The following CATSPERD variants were observed in gnomAD, a reference collection of about 807,000 sequenced individuals.
CATSPERD encodes cation channel sperm-associated auxiliary subunit delta.
CATSPERD carries 86 observed loss-of-function variants against 98.1 expected under a neutral mutation model. The ratio of observed to expected loss-of-function variants is 0.88; its 90% CI spans 0.74 to 1.05. CATSPERD has a LOEUF of 1.05. Among genes scored for constraint, CATSPERD ranks in the 50% least tolerant of loss-of-function variants. The probability of loss-of-function intolerance (pLI) is 0.00; values close to 1 mark genes in which losing one functional copy is unlikely to be tolerated. For missense variants in CATSPERD, 995 were observed against 1,005.7 expected (o/e 0.99, Z 0.14); for synonymous variants, 394 against 390.2 (o/e 1.01, Z -0.12).
At chr19:5,757,000 A>G (rs1350782454) in intron 13 of CATSPERD, among the ~76,000 whole-genome samples, 1 of 152,002 alleles carries the variant, frequency 6.6e-6, no homozygotes, top group African/African-American at 2.4e-5. Flanking sequence ...CTGTAATCCC[A>G]GCACTTTAGG....
chr19:5,748,523 C>T (rs1334352457), intron 10 of CATSPERD, among the ~76,000 whole-genome samples: 1 of 149,064 alleles, frequency 6.7e-6, no homozygotes, highest in East Asian at 2.0e-4. Flanking sequence ...CCCAGCTACT[C>T]AGGAGGCTGA....
In CATSPERD at chr19:5,766,175, G is replaced by A; in HGVS notation, c.1559+20G>A. The A allele has an allele frequency of 6.2e-7, 1 of 1,608,052 alleles. No homozygotes were observed. Among genetic ancestry groups the A allele is most frequent in the Non-Finnish European group, 8.5e-7 (1 of 1,176,742 alleles). On this transcript the variant is annotated intron_variant, in intron 17 of 21. Transcript: ENST00000381624. Reference sequence around the variant, plus strand: ...CCAGAAGTAAGTATGTTGAGGCCGGGCACCATGGCTCATTCCTGTGATCCC... The same window carrying A: ...CCAGAAGTAAGTATGTTGAGGCCGGACACCATGGCTCATTCCTGTGATCCC...
intron 2 of CATSPERD, among the ~76,000 whole-genome samples, 176 bp from the exon 3 acceptor site, chr19:5,727,092 G>C (rs1435865103): frequency 2.0e-5 from 3 of 152,142 alleles, no homozygotes; most frequent in Non-Finnish European, 4.4e-5. Flanking sequence ...CTACTCGGGA[G>C]GCTGAGGCAG....
intron 15 of CATSPERD, among the ~76,000 whole-genome samples, chr19:5,762,058 A>ATATATATATATATATATATATTT: frequency 9.6e-5 from 1 of 10,436 alleles, no homozygotes; most frequent in Non-Finnish European, 1.8e-4. Flanking sequence ...ATATATATAT[A>ATATATATATATATATATATATTT]TTTTTTTTTT....
chr19:5,767,943 C>T (rs115200198), intron 17 of CATSPERD, among the ~76,000 whole-genome samples: 6 of 152,026 alleles, frequency 3.9e-5, no homozygotes, highest in East Asian at 1.9e-4. Context: ...ATTAGAGGCG[C>T]GTGATGCCAC....
In CATSPERD at chr19:5,751,718, G is replaced by A. The variant is rs772756295; in HGVS notation, c.1059G>A (p.Leu353=). Residue 353 remains leucine (L), a synonymous_variant, in exon 12 of 22, where the codon CTG becomes CTA. Coordinates refer to ENST00000381624, the MANE Select transcript of CATSPERD (RefSeq NM_152784.4). The part of the protein sequence containing the change: ...MFRSPGTLEI[L]TPLRDTAFPA... ...GGAGCCCAGGGACTCTGGAAATACT[G>A]ACCCCACTGCGTGACACAGCCTTTC... The A allele has an allele frequency of 6.2e-7, 1 of 1,613,878 alleles. No individual in the cohort carries two copies. Among genetic ancestry groups the A allele is most frequent in the South Asian group, 1.1e-5 (1 of 91,052 alleles).
chr19:5,726,776 C>A (rs1313260789), intron 2 of CATSPERD, among the ~76,000 whole-genome samples: 1 of 152,164 alleles, frequency 6.6e-6, no homozygotes, highest in African/African-American at 2.4e-5. Context: ...GCCCTTCTGC[C>A]AGCTTCCCCC....
chr19:5,751,676 C>T lies in CATSPERD; in HGVS notation c.1017C>T (p.Asp339=), dbSNP rs182429615. 347 of 1,609,658 alleles carry T rather than the reference C, an allele frequency of 2.2e-4. 2 individuals are homozygous for T. The East Asian group carries it at 5.7e-3, about 27-fold the overall frequency. ...CAGACCAATACATCTGGTCAGAAGA[C>T]GTGGCCCTGATGTTCAGGAGCCCAG... The part of the protein sequence containing the change: ...KFADQYIWSE[D]VALMFRSPGT... The change falls in exon 12 of 22, where the codon GAC becomes GAT. Residue 339 remains aspartate (D), a synonymous_variant. Transcript: ENST00000381624.
chr19:5,771,602 A>G (rs1431595720), intron 19 of CATSPERD, among the ~76,000 whole-genome samples: 2 of 109,764 alleles, frequency 1.8e-5, no homozygotes, highest in African/African-American at 7.2e-5. Context: ...TTTTTTTTCC[A>G]CTCTGTCACC....
In CATSPERD at chr19:5,737,524, T is replaced by C. The variant is rs117960840; in HGVS notation, c.459+319T>C. Among the ~76,000 whole-genome samples, 1,159 of 131,518 alleles carry C rather than the reference T, an allele frequency of 8.8e-3. 42 individuals carry two copies. Among genetic ancestry groups the C allele is most frequent in the East Asian group, 0.07 (315 of 4,524 alleles). 86.3% of individuals were successfully genotyped at this position (131,518 alleles called of 152,430 possible). A position where few individuals can be genotyped will look rare whatever the true frequency, so the allele number is the denominator to read the frequency against. ...GTGATTACACCACTGCACTCCAGCCTGGGCAACTAGCAAGACTCTGTCAAA... is the reference window on the plus strand; with the variant it reads ...GTGATTACACCACTGCACTCCAGCCCGGGCAACTAGCAAGACTCTGTCAAA... On this transcript the variant is annotated intron_variant, in intron 6 of 21. Transcript: ENST00000381624.
chr19:5,767,756 C>G (rs2056568740), intron 17 of CATSPERD, among the ~76,000 whole-genome samples: 1 of 141,420 alleles, frequency 7.1e-6, no homozygotes, highest in African/African-American at 2.6e-5. Context: ...CGCGCCTGGC[C>G]TGCCCTCCCT....
At chr19:5,734,993 G>T (rs1466526363) in intron 5 of CATSPERD, among the ~76,000 whole-genome samples, 1 of 152,064 alleles carries the variant, frequency 6.6e-6, no homozygotes, top group Non-Finnish European at 1.5e-5. Context: ...GAGGGAGAAA[G>T]ATGAGGACTC....
intron 1 of CATSPERD, among the ~76,000 whole-genome samples, 183 bp downstream of exon 1, chr19:5,720,991 T>G (rs1018517516): frequency 7.5e-5 from 11 of 147,100 alleles, no homozygotes; most frequent in African/African-American, 2.8e-4. Context: ...TATTAAGCTC[T>G]CCTACCTCTT....
intron 3 of CATSPERD, 122 bp from the exon 4 acceptor site, chr19:5,729,750 A>T: frequency 1.7e-6 from 1 of 594,764 alleles, no homozygotes; most frequent in Non-Finnish European, 3.0e-6. Flanking sequence ...AATTATATCT[A>T]AATGACTCCT....
rs750202905 is a variant in CATSPERD at position 5,748,171 on chromosome 19, G to A, written c.820G>A (p.Asp274Asn). ...CTGTTACCTCCTAGGTCAGCTCGTCGACACCGTCCGGGTGAAAAAAGGAGA... is the reference window on the plus strand; with the variant it reads ...CTGTTACCTCCTAGGTCAGCTCGTCAACACCGTCCGGGTGAAAAAAGGAGA... ...LFSHNAGQLV[D>N]TVRVKKGDQT... Residue 274 changes from aspartate to asparagine, a missense_variant, in exon 10 of 22, where the codon GAC (aspartate) becomes AAC (asparagine). Asp to Asn is a conservative substitution (Grantham distance 23). Coordinates refer to ENST00000381624, the MANE Select transcript of CATSPERD (RefSeq NM_152784.4). The A allele has an allele frequency of 1.9e-6, 3 of 1,613,792 alleles. No homozygotes were observed. The highest frequency in any genetic ancestry group is 2.5e-6 in the Non-Finnish European group (3 of 1,179,868).
intron 4 of CATSPERD, among the ~76,000 whole-genome samples, chr19:5,733,356 C>T (rs2055770999): frequency 7.1e-6 from 1 of 140,922 alleles, no homozygotes; most frequent in East Asian, 2.1e-4. Context: ...TTCTTCCTTC[C>T]TTCCCTCCTT....
rs184588516 is a variant in CATSPERD, at chr19:5,723,819, C to T, written c.72-989C>T. Among the ~76,000 whole-genome samples the T allele has an allele frequency of 1.8e-3, 272 of 150,656 alleles. 1 individual carries two copies. In the Middle Eastern group the frequency reaches 0.024, roughly 13 times the overall value. On this transcript the variant is annotated intron_variant, in intron 1 of 21. Transcript: ENST00000381624. ...GAGATGGAGTTTCACTCTTGTTGCC[C>T]GGGCTGGAGTGCAATGGTGCAATCT...
chr19:5,745,981 T>G lies in CATSPERD; in HGVS notation c.726T>G (p.Thr242=). The part of the protein sequence containing the change: ...SFGLSFDYNG[T]LDILIAPGQR... Reference sequence around the variant, plus strand: ...GGCTGTCTTTTGACTATAATGGGACTCTAGACATCCTCATCGCCCCCGGCC... The same window carrying G: ...GGCTGTCTTTTGACTATAATGGGACGCTAGACATCCTCATCGCCCCCGGCC... The change falls in exon 9 of 22, where the codon ACT becomes ACG. Residue 242 remains threonine, a synonymous_variant. Transcript: ENST00000381624. 6.2e-7 allele frequency: 1 copy of G among 1,614,152 alleles called. No homozygotes were observed. Among genetic ancestry groups the G allele is most frequent in the Non-Finnish European group, 8.5e-7 (1 of 1,180,016 alleles).
chr19:5,757,599 A>ATTTTTTTTT (rs534531838), intron 13 of CATSPERD, among the ~76,000 whole-genome samples: 1 of 91,830 alleles, frequency 1.1e-5, no homozygotes, highest in Non-Finnish European at 2.3e-5. Flanking sequence ...GCCTGGCCAA[A>ATTTTTTTTT]TTTTTTTTTT....
Sources: allele counts gnomAD v4.1 joint callset (sites outside exome capture counted in the v4.1 genomes callset), GRCh38; gene constraint gnomAD v4.1.1; transcripts MANE v1.5; gene names NCBI Gene and HGNC (gene_info 2026-07-23, HGNC 2026-07-21).